ENPP1: variants seen among roughly 807,000 people sequenced by gnomAD.
ENPP1 encodes the protein ectonucleotide pyrophosphatase/phosphodiesterase family member 1.
In ENPP1, 73 loss-of-function variants were observed where a neutral mutation model predicts 122.8. The ratio of observed to expected loss-of-function variants is 0.59; its 90% CI spans 0.49 to 0.72. The LOEUF is 0.72. Ranked by LOEUF, ENPP1 falls within the 30% of genes least tolerant of loss-of-function variation. The pLI, the probability that ENPP1 is intolerant of heterozygous loss-of-function variation, is 0.00. For synonymous variants in ENPP1, 367 were observed against 391.6 expected (o/e 0.94, Z 0.74); for missense variants, 978 against 1,128.1 (o/e 0.87, Z 1.91).
At position 131,890,415 on chromosome 6, in the gene ENPP1, C is replaced by T. The variant is rs1450118449; in HGVS notation, c.2682C>T (p.His894=). The T allele has an allele frequency of 1.9e-6, 3 of 1,612,978 alleles. No individual in the cohort carries two copies. The African/African-American group carries it at 4.0e-5, about 22-fold the overall frequency. ...LHRARITDVE[H]ITGLSFYQQR... ...GAGCACGGATCACAGATGTTGAGCA[C>T]ATCACTGGACTCAGCTTCTATCAAC... Residue 894 remains histidine (H), a synonymous_variant, in exon 25 of 25, where the codon CAC becomes CAT. Coordinates refer to ENST00000647893, the MANE Select transcript of ENPP1 (RefSeq NM_006208.3).
At chr6:131,822,148 A>T (rs1343108491) in intron 1 of ENPP1, among the ~76,000 whole-genome samples, 1 of 152,226 alleles carries the variant, frequency 6.6e-6, no homozygotes, top group Admixed American at 6.5e-5. Flanking sequence ...ATACCTTACT[A>T]ATCAGCACAA....
chr6:131,867,871 A>T, intron 11 of ENPP1, 147 bp from the exon 12 acceptor site: 1 of 652,436 alleles, frequency 1.5e-6, no homozygotes, highest in Non-Finnish European at 2.7e-6. Context: ...TTGTAGTTGC[A>T]TCCACTGGCC....
At chr6:131,812,096 G>A (rs1003545311) in intron 1 of ENPP1, among the ~76,000 whole-genome samples, 1 of 152,084 alleles carries the variant, frequency 6.6e-6, no homozygotes, top group African/African-American at 2.4e-5. Context: ...GAGGTATGTT[G>A]GGTCATTTCT....
At chr6:131,811,803 T>C (rs1425987223) in intron 1 of ENPP1, among the ~76,000 whole-genome samples, 1 of 152,232 alleles carries the variant, frequency 6.6e-6, no homozygotes, top group Non-Finnish European at 1.5e-5. Context: ...CAGACTGCTC[T>C]GAGCAATTTT....
intron 1 of ENPP1, among the ~76,000 whole-genome samples, chr6:131,831,114 CAAA>C (rs3036850): frequency 0.012 from 731 of 59,910 alleles, 5 homozygotes; most frequent in African/African-American, 0.037. Flanking sequence ...GCCCATCTCT[CAAA>C]AAAAAAAAAA....
chr6:131,888,235 C>CT (rs58493790), intron 24 of ENPP1, among the ~76,000 whole-genome samples: 45,942 of 139,352 alleles, frequency 0.33, 8,908 homozygotes, highest in African/African-American at 0.52. Flanking sequence ...CCTACATTTC[C>CT]TTTTTTTTTT....
In ENPP1 at chr6:131,832,016, G is replaced by A. The variant is rs144986076; in HGVS notation, c.241-15760G>A. 6.6e-3 allele frequency among the ~76,000 whole-genome samples: 1,000 copies of A among 152,110 alleles called. 4 individuals are homozygous for A. The highest frequency in any genetic ancestry group is 0.023 in the African/African-American group (950 of 41,490). On this transcript the variant is annotated intron_variant, in intron 1 of 24. Coordinates refer to ENST00000647893, the MANE Select transcript of ENPP1 (RefSeq NM_006208.3). ...ATTTTATACTTTGAATTATAACCCAGTACTCTGTTTTTCATGTTTTTGCTT... is the reference window on the plus strand; with the variant it reads ...ATTTTATACTTTGAATTATAACCCAATACTCTGTTTTTCATGTTTTTGCTT...
At chr6:131,815,207 T>C (rs1289533996) in intron 1 of ENPP1, among the ~76,000 whole-genome samples, 3 of 152,202 alleles carry the variant, frequency 2.0e-5, no homozygotes, top group Non-Finnish European at 4.4e-5. Context: ...GGATTCAGAA[T>C]CAGAAATCTA....
In ENPP1 at chr6:131,860,451, C is replaced by T. The variant is rs190947144; in HGVS notation, c.860C>T (p.Ser287Phe). 2.2e-4 allele frequency: 354 copies of T among 1,595,002 alleles called. 1 individual carries two copies. The highest frequency in any genetic ancestry group is 6.9e-4 in the East Asian group (31 of 44,628). The change falls in exon 8 of 25, where the codon TCC becomes TTC. Residue 287 changes from serine to phenylalanine, a missense_variant. Transcript: ENST00000647893. ...ATGTATGATCCCAAAATGAATGCTT[C>T]CTTTTCACTTAAAAGTAAAGAGAAA... ...NKMYDPKMNA[S>F]FSLKSKEKFN...
intron 1 of ENPP1, among the ~76,000 whole-genome samples, chr6:131,812,253 T>G (rs73780757): frequency 0.018 from 2,790 of 152,276 alleles, 101 homozygotes; most frequent in African/African-American, 0.062. Context: ...GAAATACAAA[T>G]ATGAAAAGTG....
intron 24 of ENPP1, among the ~76,000 whole-genome samples, chr6:131,889,014 T>C (rs1017881665): frequency 4.8e-4 from 73 of 152,174 alleles, no homozygotes; most frequent in African/African-American, 1.6e-3. Context: ...AGCATGTGGC[T>C]TTGGCCCACG....
Position 131,890,377 on chromosome 6 carries a change from T to A in ENPP1, c.2644T>A (p.Leu882Ile). 1 of 1,614,048 alleles carries A rather than the reference T, an allele frequency of 6.2e-7. No individual in the cohort carries two copies. The highest frequency in any genetic ancestry group is 1.7e-5 in the Admixed American group (1 of 60,024). ...KHDSSWVEEL[L>I]MLHRARITDV... is the part of the protein sequence containing the mutation. Reference sequence around the variant, plus strand: ...TGACTCCTCATGGGTTGAAGAATTGTTAATGTTACACAGAGCACGGATCAC... The same window carrying A: ...TGACTCCTCATGGGTTGAAGAATTGATAATGTTACACAGAGCACGGATCAC... Residue 882 changes from leucine to isoleucine, a missense_variant, in exon 25 of 25, where the codon TTA becomes ATA. Leu to Ile is a conservative substitution (Grantham distance 5). Around this residue, in one of 3 missense-constraint regions of ENPP1, gnomAD observed 644 missense variants for 781.5 expected, o/e 0.82. Coordinates refer to ENST00000647893, the MANE Select transcript of ENPP1 (RefSeq NM_006208.3).
At position 131,875,859 on chromosome 6, in the gene ENPP1, G is replaced by A. The variant is rs1175493211; in HGVS notation, c.1719G>A (p.Met573Ile). The A allele has an allele frequency of 4.3e-6, 7 of 1,610,338 alleles. No homozygotes were observed. The highest frequency in any genetic ancestry group is 3.3e-5 in the South Asian group (3 of 91,012). ...TFENIEVYNL[M>I]CDLLNLTPAP... Reference sequence around the variant, plus strand: ...AAAACATTGAAGTCTATAACTTAATGTGTGGTAAGTGTGAACAGGTGCCTT... The same window carrying A: ...AAAACATTGAAGTCTATAACTTAATATGTGGTAAGTGTGAACAGGTGCCTT... Residue 573 changes from methionine to isoleucine, a missense_variant, in exon 17 of 25, where the codon ATG (methionine) becomes ATA (isoleucine). Met to Ile is a conservative substitution (Grantham distance 10). Coordinates refer to ENST00000647893, the MANE Select transcript of ENPP1 (RefSeq NM_006208.3).
chr6:131,853,781 G>A (rs1191197727), intron 5 of ENPP1, among the ~76,000 whole-genome samples: 1 of 152,128 alleles, frequency 6.6e-6, no homozygotes, highest in African/African-American at 2.4e-5. Flanking sequence ...CAGTTATCCA[G>A]TGTTATAGAA....
intron 23 of ENPP1, 106 bp downstream of exon 23, chr6:131,885,169 T>G: frequency 1.9e-6 from 2 of 1,028,180 alleles, no homozygotes; most frequent in Non-Finnish European, 3.0e-6. Flanking sequence ...GTGTCGTATG[T>G]TTATGTGTAT....
chr6:131,847,663 G>T, intron 1 of ENPP1, 113 bp from the exon 2 acceptor site: 1 of 696,546 alleles, frequency 1.4e-6, no homozygotes, highest in South Asian at 2.0e-5. Context: ...CTATGATCAT[G>T]CCACTGTACC....
At chr6:131,812,301 C>T (rs1781364725) in intron 1 of ENPP1, among the ~76,000 whole-genome samples, 1 of 152,144 alleles carries the variant, frequency 6.6e-6, no homozygotes, top group African/African-American at 2.4e-5. Flanking sequence ...ATATTTTAAT[C>T]CACTTCTTGT....
At chr6:131,843,088 A>G (rs946494381) in intron 1 of ENPP1, among the ~76,000 whole-genome samples, 3 of 152,168 alleles carry the variant, frequency 2.0e-5, no homozygotes, top group Admixed American at 1.3e-4. Context: ...CTAAATTGTT[A>G]TGGAGATTAA....
At chr6:131,828,741 G>C (rs1320219432) in intron 1 of ENPP1, among the ~76,000 whole-genome samples, 3 of 152,170 alleles carry the variant, frequency 2.0e-5, no homozygotes, top group East Asian at 1.9e-4. Flanking sequence ...CTCCAGTCCC[G>C]GGCCCCAGGC....
Sources: gnomAD v4.1 joint callset for allele counts (sites outside exome capture counted in the v4.1 genomes callset) on GRCh38, gnomAD v4.1.1 for gene constraint, gnomAD v4.1.1 regional missense constraint, MANE v1.5 for transcripts, NCBI Gene and HGNC (gene_info 2026-07-23, HGNC 2026-07-21) for gene names.